DOCK1: variants seen among roughly 807,000 people sequenced by gnomAD.
DOCK1 encodes dedicator of cytokinesis protein 1.
In DOCK1, 138 loss-of-function variants were observed where a neutral mutation model predicts 262.7. The observed-to-expected ratio is 0.53, with a 90% confidence interval of 0.46 to 0.61. DOCK1 has a LOEUF of 0.61. Among genes scored for constraint, DOCK1 ranks in the 20% least tolerant of loss-of-function variants. The probability of loss-of-function intolerance (pLI) is 0.00; values close to 1 mark genes in which losing one functional copy is unlikely to be tolerated. For synonymous variants in DOCK1, 866 were observed against 867.4 expected, an observed-to-expected ratio of 1.00 and a Z score of 0.03; for missense variants, 1,908 against 2,370.7, an observed-to-expected ratio of 0.80 and a Z score of 4.05.
intron 1 of DOCK1, among the ~76,000 whole-genome samples, chr10:126,943,260 A>G (rs1429245672): frequency 2.6e-5 from 4 of 152,210 alleles, no homozygotes; most frequent in East Asian, 1.9e-4. Context: ...CTCAAAAAAT[A>G]AAAACAAACA....
intron 29 of DOCK1, among the ~76,000 whole-genome samples, chr10:127,306,417 C>T (rs920646823): frequency 6.6e-6 from 1 of 152,094 alleles, no homozygotes; most frequent in African/African-American, 2.4e-5. Context: ...CCACGTTCAC[C>T]GATTTCATCT....
chr10:127,439,384 C>A, intron 49 of DOCK1, 159 bp downstream of exon 49: 1 of 728,140 alleles, frequency 1.4e-6, no homozygotes, highest in Non-Finnish European at 2.2e-6. Context: ...TCAAATGTCC[C>A]AAGGCAGTAG....
At chr10:127,268,582 T>A (rs1409652491) in intron 29 of DOCK1, among the ~76,000 whole-genome samples, 1 of 151,828 alleles carries the variant, frequency 6.6e-6, no homozygotes, top group Non-Finnish European at 1.5e-5. Flanking sequence ...TTCTCCTTGT[T>A]TCCCCATTTC....
chr10:127,365,885 C>T (rs1025372447), intron 33 of DOCK1, among the ~76,000 whole-genome samples: 1 of 152,246 alleles, frequency 6.6e-6, no homozygotes, highest in Non-Finnish European at 1.5e-5. Flanking sequence ...CCATTTTAAA[C>T]ACCGCCTTCC....
At chr10:126,929,162 A>G (rs2033995288) in intron 1 of DOCK1, among the ~76,000 whole-genome samples, 1 of 152,168 alleles carries the variant, frequency 6.6e-6, no homozygotes. Flanking sequence ...GCTACATTCC[A>G]TTGACCTGGA....
At chr10:127,311,647 C>T (rs557151540) in intron 29 of DOCK1, among the ~76,000 whole-genome samples, 116 of 152,254 alleles carry the variant, frequency 7.6e-4, no homozygotes, top group Admixed American at 1.2e-3. Flanking sequence ...GCCTGTTGTT[C>T]TTTATTTCAC....
At chr10:127,430,056 C>G (rs1178713375) in intron 47 of DOCK1, among the ~76,000 whole-genome samples, 4 of 152,188 alleles carry the variant, frequency 2.6e-5, no homozygotes, top group Non-Finnish European at 5.9e-5. Flanking sequence ...CCATCGTCCC[C>G]CTCTCCCCTC....
At chr10:127,328,242 G>A (rs546378305) in intron 29 of DOCK1, among the ~76,000 whole-genome samples, 43 of 152,198 alleles carry the variant, frequency 2.8e-4, no homozygotes, top group African/African-American at 1.0e-3. Context: ...AAATGAACCC[G>A]GATAAATTTT....
intron 29 of DOCK1, among the ~76,000 whole-genome samples, chr10:127,268,577 C>CTTGTTTCCCCATT (rs68153763): frequency 0.023 from 3,494 of 151,094 alleles, 126 homozygotes; most frequent in African/African-American, 0.08. Flanking sequence ...CTCTCTTCTC[C>CTTGTTTCCCCATT]TTGTTTCCCC....
intron 50 of DOCK1, among the ~76,000 whole-genome samples, chr10:127,444,829 C>T (rs944544397): frequency 1.7e-4 from 26 of 152,180 alleles, no homozygotes; most frequent in Admixed American, 1.5e-3. Context: ...CTGGTGGCTC[C>T]AAGGGAGAGC....
chr10:127,150,589 C>A (rs1201205572), intron 27 of DOCK1, among the ~76,000 whole-genome samples: 1 of 152,216 alleles, frequency 6.6e-6, no homozygotes, highest in Non-Finnish European at 1.5e-5. Flanking sequence ...GTCCTTACTT[C>A]TCAAGGTTCA....
intron 3 of DOCK1, among the ~76,000 whole-genome samples, chr10:126,980,490 C>G (rs1289020550): frequency 6.6e-6 from 1 of 152,210 alleles, no homozygotes; most frequent in Non-Finnish European, 1.5e-5. Flanking sequence ...GTGTGCACCT[C>G]TGAGCCTGGC....
intron 27 of DOCK1, among the ~76,000 whole-genome samples, chr10:127,201,468 T>C (rs1002177508): frequency 1.3e-5 from 2 of 152,226 alleles, no homozygotes; most frequent in Admixed American, 1.3e-4. Flanking sequence ...GAAATACAAA[T>C]TTGTTTTGGA....
rs1013484184 is a variant in DOCK1, at chr10:126,948,942, G to T, written c.47-21760G>T. ...GGAGCTGGTTGTATGCCTGGGCCCC[G>T]CAAGCTGGGCTTTCAGAATCCCTTT... is the stretch of plus-strand genomic sequence containing the variant. On this transcript the variant is annotated intron_variant, in intron 1 of 51. Coordinates refer to ENST00000623213, the MANE Select transcript of DOCK1 (RefSeq NM_001290223.2). Among the ~76,000 whole-genome samples, 6 of 152,240 alleles carry T rather than the reference G, an allele frequency of 3.9e-5. No individual in the cohort carries two copies. The East Asian group carries it at 7.7e-4, about 20-fold the overall frequency.
chr10:127,295,567 T>G (rs2061478248), intron 29 of DOCK1, among the ~76,000 whole-genome samples: 1 of 152,122 alleles, frequency 6.6e-6, no homozygotes, highest in Non-Finnish European at 1.5e-5. Flanking sequence ...GCACCTGTAC[T>G]CTTAGCTACT....
chr10:127,386,176 G>A (rs867510531), intron 38 of DOCK1, among the ~76,000 whole-genome samples: 9 of 152,172 alleles, frequency 5.9e-5, no homozygotes, highest in Admixed American at 3.9e-4. Flanking sequence ...AGTAAGCGAT[G>A]CGGCATCCTT....
intron 1 of DOCK1, among the ~76,000 whole-genome samples, chr10:126,922,430 G>C (rs2033296759): frequency 1.3e-5 from 2 of 152,032 alleles, no homozygotes; most frequent in African/African-American, 4.8e-5. Flanking sequence ...CCACACACTG[G>C]TCTAGAGTCT....
At chr10:127,072,786 G>C (rs2046306959) in intron 23 of DOCK1, among the ~76,000 whole-genome samples, 1 of 152,192 alleles carries the variant, frequency 6.6e-6, no homozygotes, top group Admixed American at 6.5e-5. Flanking sequence ...CATGGTGGTT[G>C]TTAAAAATAA....
At chr10:127,139,619 A>G (rs1313796250) in intron 27 of DOCK1, among the ~76,000 whole-genome samples, 3 of 152,198 alleles carry the variant, frequency 2.0e-5, no homozygotes, top group Non-Finnish European at 2.9e-5. Context: ...GCTGTGCTGC[A>G]TTAATGAAAT....
Sources: allele counts gnomAD v4.1 joint callset (sites outside exome capture counted in the v4.1 genomes callset), GRCh38; gene constraint gnomAD v4.1.1; transcripts MANE v1.5; gene names NCBI Gene and HGNC (gene_info 2026-07-23, HGNC 2026-07-21).